The following IL21R variants were observed in gnomAD, a reference collection of about 807,000 sequenced individuals.
IL21R encodes the protein interleukin 21 receptor, also known as interleukin-21 receptor.
A neutral mutation model predicts 41.3 loss-of-function variants in IL21R; 14 were observed. The ratio of observed to expected loss-of-function variants is 0.34; its 90% CI spans 0.22 to 0.53. The LOEUF (loss-of-function observed/expected upper bound fraction) is 0.53. IL21R is among the 20% of genes least tolerant of loss of function. The pLI is 0.94. For synonymous variants in IL21R, 286 were observed against 287.6 expected, an observed-to-expected ratio of 0.99 and a Z score of 0.05; for missense variants, 588 against 681.6, an observed-to-expected ratio of 0.86 and a Z score of 1.53.
At chr16:27,404,307 G>A (rs1255134163) in intron 1 of IL21R, among the ~76,000 whole-genome samples, 1 of 152,170 alleles carries the variant, frequency 6.6e-6, no homozygotes, top group African/African-American at 2.4e-5. Context: ...GGTGGGGAGA[G>A]CAAGGCAAAG....
chr16:27,428,024 A>G (rs189692148), intron 1 of IL21R, among the ~76,000 whole-genome samples: 1 of 152,362 alleles, frequency 6.6e-6, no homozygotes, highest in Non-Finnish European at 1.5e-5. Context: ...CACAATATAC[A>G]AATATGGCCA....
At chr16:27,429,767 C>T (rs1450757332) in intron 1 of IL21R, among the ~76,000 whole-genome samples, 2 of 152,252 alleles carry the variant, frequency 1.3e-5, no homozygotes, top group South Asian at 2.1e-4. Context: ...GAACATGACC[C>T]CATCTCTAAA....
At chr16:27,407,479 G>C (rs112889697) in intron 1 of IL21R, among the ~76,000 whole-genome samples, 3 of 152,176 alleles carry the variant, frequency 2.0e-5, no homozygotes, top group Non-Finnish European at 4.4e-5. Flanking sequence ...CTAGGCAGAG[G>C]GAAAGGCATG....
At chr16:27,409,652 T>C (rs1327785131) in intron 1 of IL21R, among the ~76,000 whole-genome samples, 2 of 152,212 alleles carry the variant, frequency 1.3e-5, no homozygotes, top group Admixed American at 6.5e-5. Context: ...ACTGGTGACT[T>C]ACTGAAAATC....
At chr16:27,426,124 G>GA (rs1160980806) in intron 1 of IL21R, among the ~76,000 whole-genome samples, 1 of 152,174 alleles carries the variant, frequency 6.6e-6, no homozygotes, top group East Asian at 1.9e-4. Context: ...CAGGTGCTGT[G>GA]ATTATCATTA....
rs1198313620 is a variant in IL21R, at chr16:27,450,155, C to T, written c.*872C>T. On this transcript the variant is annotated 3_prime_UTR_variant, in exon 9 of 9. Transcript: ENST00000337929. ...CCTGGGCACCCGCGGGGCCGTCCCG[C>T]CTGCAGAGGGCCACTCGGGGGGGTT... The T allele has an allele frequency of 4.3e-6, 1 of 232,912 alleles. No homozygotes were observed. The highest frequency in any genetic ancestry group is 6.0e-5 in the East Asian group (1 of 16,578). The allele number at this position is 232,912 out of a possible 1,614,324, so 14.4% of individuals were successfully genotyped here. A position where few individuals can be genotyped will look rare whatever the true frequency, so the allele number is the denominator to read the frequency against.
At chr16:27,436,605 G>A (rs2087276007) in intron 3 of IL21R, among the ~76,000 whole-genome samples, 1 of 152,140 alleles carries the variant, frequency 6.6e-6, no homozygotes, top group Non-Finnish European at 1.5e-5. Context: ...TTAATATCCG[G>A]TAAACTACTA....
chr16:27,440,287 A>AGAGAGAGAGGGAGAGAGC (rs1479585420), intron 4 of IL21R, among the ~76,000 whole-genome samples: 1 of 102,722 alleles, frequency 9.7e-6, no homozygotes, highest in African/African-American at 5.0e-5. Context: ...AGAGCGAGCA[A>AGAGAGAGAGGGAGAGAGC]GCGCGCGCCA....
chr16:27,424,542 C>G (rs1254862242), intron 1 of IL21R, among the ~76,000 whole-genome samples: 2 of 151,604 alleles, frequency 1.3e-5, no homozygotes. Context: ...AATGCACCTA[C>G]AGGACTTCAA....
At chr16:27,411,415 T>C (rs1158643489) in intron 1 of IL21R, among the ~76,000 whole-genome samples, 8 of 151,608 alleles carry the variant, frequency 5.3e-5, no homozygotes, top group Admixed American at 5.3e-4. Context: ...GGGCATTTGC[T>C]GATCTTCTTT....
At chr16:27,424,713 G>A (rs1012085237) in intron 1 of IL21R, among the ~76,000 whole-genome samples, 6 of 152,184 alleles carry the variant, frequency 3.9e-5, no homozygotes, top group South Asian at 2.1e-4. Flanking sequence ...TCACTCCTCC[G>A]TAGGAGACTG....
chr16:27,444,216 A>C (rs531568954), intron 5 of IL21R, among the ~76,000 whole-genome samples: 1 of 151,948 alleles, frequency 6.6e-6, no homozygotes, highest in East Asian at 2.0e-4. Context: ...AAAAGTATGC[A>C]TTGCCTGGAA....
chr16:27,417,959 A>C (rs1342947009), intron 1 of IL21R, among the ~76,000 whole-genome samples: 1 of 151,920 alleles, frequency 6.6e-6, no homozygotes, highest in Non-Finnish European at 1.5e-5. Context: ...ATTTATTTGA[A>C]TTTTTAAAAT....
chr16:27,406,455 G>A (rs540283748), intron 1 of IL21R, among the ~76,000 whole-genome samples: 11 of 152,124 alleles, frequency 7.2e-5, no homozygotes, highest in Non-Finnish European at 1.2e-4. Context: ...AGCTAGGAGA[G>A]GTTGCACAGG....
At chr16:27,442,685 C>T (rs1596594113) in intron 4 of IL21R, 1 of 276,130 alleles carries the variant, frequency 3.6e-6, no homozygotes, top group East Asian at 7.2e-5. Context: ...TCGTCACAGT[C>T]CCTAAACCTG....
At chr16:27,407,618 G>C (rs530237949) in intron 1 of IL21R, among the ~76,000 whole-genome samples, 9 of 152,310 alleles carry the variant, frequency 5.9e-5, no homozygotes, top group African/African-American at 2.2e-4. Flanking sequence ...CTGAGGTCAG[G>C]AGTTTGAGAT....
At chr16:27,446,152 C>T (rs559045525) in intron 8 of IL21R, 64 bp downstream of exon 8, 2 of 1,381,140 alleles carry the variant, frequency 1.4e-6, no homozygotes, top group South Asian at 2.4e-5. Flanking sequence ...GCCCCACCTC[C>T]CCTCACCCCA....
chr16:27,412,671 G>A (rs1185090449), intron 1 of IL21R, among the ~76,000 whole-genome samples: 1 of 151,988 alleles, frequency 6.6e-6, no homozygotes, highest in East Asian at 1.9e-4. Context: ...CTTCAAAAAT[G>A]TTTTATACAA....
In IL21R at chr16:27,451,935, G is replaced by A. The variant is rs1235321508; in HGVS notation, c.*2652G>A. The A allele has an allele frequency of 4.3e-6, 1 of 230,116 alleles. No individual in the cohort carries two copies. The highest frequency in any genetic ancestry group is 5.7e-5 in the Admixed American group (1 of 17,692). 14.3% of individuals were successfully genotyped at this position (230,116 alleles called of 1,614,324 possible). On this transcript the variant is annotated 3_prime_UTR_variant, in exon 9 of 9. Transcript: ENST00000337929. ...GAGATAAATGCATACTGGAAACAAA[G>A]ATAAAGATAAAACACAAGTTATACC...
Sources: allele counts gnomAD v4.1 joint callset (sites outside exome capture counted in the v4.1 genomes callset), GRCh38; gene constraint gnomAD v4.1.1; transcripts MANE v1.5; gene names NCBI Gene and HGNC (gene_info 2026-07-23, HGNC 2026-07-21).